Variants in SIRPA observed in about 807,000 individuals in gnomAD.
SIRPA encodes signal regulatory protein alpha.
In SIRPA, 9 loss-of-function variants were observed where a neutral mutation model predicts 50.3. That is an observed-to-expected ratio of 0.18 (90% CI 0.11 to 0.31). The LOEUF (loss-of-function observed/expected upper bound fraction) is 0.31, where lower values mean the gene tolerates loss of function less well. Ranked by LOEUF, SIRPA falls within the 10% of genes least tolerant of loss-of-function variation. The probability of loss-of-function intolerance (pLI) is 1.00; values close to 1 mark genes in which losing one functional copy is unlikely to be tolerated. For missense variants in SIRPA, 474 were observed against 661.6 expected (o/e 0.72, Z 3.11); for synonymous variants, 265 against 284.1 (o/e 0.93, Z 0.68).
chr20:1,935,561 C>T (rs1986530414), intron 7 of SIRPA, among the ~76,000 whole-genome samples: 1 of 152,268 alleles, frequency 6.6e-6, no homozygotes, highest in Non-Finnish European at 1.5e-5. Flanking sequence ...CCCCCCGCAG[C>T]CCCGGACATG....
intron 1 of SIRPA, among the ~76,000 whole-genome samples, chr20:1,900,499 G>A (rs1984124895): frequency 6.6e-6 from 1 of 152,212 alleles, no homozygotes; most frequent in East Asian, 1.9e-4. Flanking sequence ...GGCACAGCCT[G>A]CCTCTAGGTG....
At chr20:1,916,314 C>T (rs937274249) in intron 2 of SIRPA, among the ~76,000 whole-genome samples, 1 of 152,188 alleles carries the variant, frequency 6.6e-6, no homozygotes, top group Non-Finnish European at 1.5e-5. Flanking sequence ...TCCAGCCCAA[C>T]CCCTAGTTAC....
intron 1 of SIRPA, 103 bp downstream of exon 1, chr20:1,895,629 G>T (rs1176479390): frequency 2.3e-6 from 2 of 860,158 alleles, no homozygotes; most frequent in Non-Finnish European, 3.2e-6. Context: ...GCAGTAATAG[G>T]GGGAGAGACG....
Position 1,937,283 on chromosome 20 carries a change from C to T in SIRPA, c.1267-37C>T, listed in dbSNP as rs1986630160. 1 of 1,594,866 alleles carries T rather than the reference C, an allele frequency of 6.3e-7. No individual in the cohort carries two copies. Among genetic ancestry groups the T allele is most frequent in the Non-Finnish European group, 8.6e-7 (1 of 1,167,504 alleles). ...AGTGGGCCAGGGGCTATAGAATGAC[C>T]TTCTCATGACTTTCTCTTTGGGTAT... On this transcript the variant is annotated intron_variant, in intron 7 of 7. Transcript: ENST00000358771. This position sits in a 1 kb window ranked among gnomAD's most constrained non-coding sequence, Gnocchi z 8.3.
chr20:1,927,888 T>G lies in SIRPA; in HGVS notation c.1215T>G (p.Thr405=). ...TTTGTCTTTCAGCCCAGGGCTCCAC[T>G]TCTTCTACAAGGTAAGTGCATCATT... ...RIRQKKAQGS[T]SSTRLHEPEK... Residue 405 remains threonine, a synonymous_variant, in exon 6 of 8, where the codon ACT becomes ACG. Transcript: ENST00000358771. The surrounding 1 kb of genome is among the most constrained non-coding windows in gnomAD (Gnocchi z 6.5). 6.2e-7 allele frequency: 1 copy of G among 1,613,960 alleles called. No homozygotes were observed. Among genetic ancestry groups the G allele is most frequent in the Non-Finnish European group, 8.5e-7 (1 of 1,179,792 alleles).
At position 1,895,466 on chromosome 20, in the gene SIRPA, GCC is replaced by G; in HGVS notation, c.23_24del (p.Pro8ArgfsTer23). 7.0e-7 allele frequency: 1 copy of G among 1,428,164 alleles called. No homozygotes were observed. Among genetic ancestry groups the G allele is most frequent in the Non-Finnish European group, 9.1e-7 (1 of 1,097,364 alleles). 88.5% of individuals were successfully genotyped at this position (1,428,164 alleles called of 1,614,324 possible). A position where few individuals can be genotyped will look rare whatever the true frequency, so the allele number is the denominator to read the frequency against. On this transcript the variant is annotated frameshift_variant, in exon 1 of 8. Transcript: ENST00000358771. LOFTEE classifies it high-confidence loss of function. ...GCGGCCCATGGAGCCCGCCGGCCCG[GCC>G]CCCGGCCGCCTCGGGCCGCTGCTCT... MEPAGP[A>X]PGRLGPLLCL...
Position 1,924,513 on chromosome 20 carries a change from CCTCCGT to C in SIRPA, c.1088-250_1088-245del, listed in dbSNP as rs1184482331. On this transcript the variant is annotated intron_variant, in intron 4 of 7. Coordinates refer to ENST00000358771, the MANE Select transcript of SIRPA (RefSeq NM_001040023.2). The surrounding 1 kb of genome is among the most constrained non-coding windows in gnomAD (Gnocchi z 4.5). ...CTGCCTGTATCCTGCAGCAGGGGTT[CCTCCGT>C]AGCTGTCAGCTACAAATATATTCCC... Among the ~76,000 whole-genome samples, 1 of 152,178 alleles carries C rather than the reference CCTCCGT, an allele frequency of 6.6e-6. No individual in the cohort carries two copies. Among genetic ancestry groups the C allele is most frequent in the Non-Finnish European group, 1.5e-5 (1 of 68,036 alleles).
At chr20:1,935,464 T>A (rs1299334129) in intron 7 of SIRPA, among the ~76,000 whole-genome samples, 2 of 152,254 alleles carry the variant, frequency 1.3e-5, no homozygotes, top group African/African-American at 4.8e-5. Flanking sequence ...TCTTTTTAGA[T>A]GTAATCTGTT....
chr20:1,915,500 A>G, intron 2 of SIRPA, 45 bp downstream of exon 2: 1 of 1,601,190 alleles, frequency 6.2e-7, no homozygotes, highest in Non-Finnish European at 8.6e-7. Flanking sequence ...TGTGACAGTA[A>G]CTCAATAATA....
Position 1,915,878 on chromosome 20 carries a change from C to A in SIRPA, c.436+423C>A, listed in dbSNP as rs117817525. 1.7e-3 allele frequency among the ~76,000 whole-genome samples: 253 copies of A among 152,366 alleles called. 2 individuals carry two copies. The East Asian group carries it at 0.041, about 25-fold the overall frequency. On this transcript the variant is annotated intron_variant, in intron 2 of 7. Transcript: ENST00000358771. ...CTGAGAACCTACTGTGTGCCAGGCTCCGCCAAGCTTGTGTTCTCATCCCTT... is the reference window on the plus strand; with the variant it reads ...CTGAGAACCTACTGTGTGCCAGGCTACGCCAAGCTTGTGTTCTCATCCCTT...
rs574878894 is a variant in SIRPA at position 1,936,159 on chromosome 20, C to A, written c.1267-1161C>A. On this transcript the variant is annotated intron_variant, in intron 7 of 7. Transcript: ENST00000358771. The surrounding 1 kb of genome is among the most constrained non-coding windows in gnomAD (Gnocchi z 4.2). Reference sequence around the variant, plus strand: ...ACCGTGCACCAACTAGGAGGTGTGCCGGTTGGTGGTAGCTTTATTCTGTTC... The same window carrying A: ...ACCGTGCACCAACTAGGAGGTGTGCAGGTTGGTGGTAGCTTTATTCTGTTC... 6.6e-6 allele frequency among the ~76,000 whole-genome samples: 1 copy of A among 151,938 alleles called. No individual in the cohort carries two copies. Among genetic ancestry groups the A allele is most frequent in the African/African-American group, 2.4e-5 (1 of 41,350 alleles).
intron 6 of SIRPA, among the ~76,000 whole-genome samples, chr20:1,929,334 T>C (rs1249308554): frequency 6.6e-6 from 1 of 152,092 alleles, no homozygotes; most frequent in Non-Finnish European, 1.5e-5. Flanking sequence ...TGGGATGGGC[T>C]GAGAAGTGCT....
At position 1,932,904 on chromosome 20, in the gene SIRPA, T is replaced by A. The variant is rs1035841683; in HGVS notation, c.1227-1811T>A. 2.0e-5 allele frequency among the ~76,000 whole-genome samples: 3 copies of A among 152,058 alleles called. No individual in the cohort carries two copies. The highest frequency in any genetic ancestry group is 4.4e-5 in the Non-Finnish European group (3 of 68,020). Reference sequence around the variant, plus strand: ...AGAGCTATTCACTGAAATAGGAAAATCCAGGGGAGACACAGATATGGGGAA... The same window carrying A: ...AGAGCTATTCACTGAAATAGGAAAAACCAGGGGAGACACAGATATGGGGAA... On this transcript the variant is annotated intron_variant, in intron 6 of 7. Coordinates refer to ENST00000358771, the MANE Select transcript of SIRPA (RefSeq NM_001040023.2). The surrounding 1 kb of genome is among the most constrained non-coding windows in gnomAD (Gnocchi z 6.0).
chr20:1,928,913 C>T lies in SIRPA; in HGVS notation c.1226+1014C>T, dbSNP rs1445355336. ...TTGGAAGGCCTCTGATCTTCATCCC[C>T]AGCAGAGCAGAGGCAGCACACCATC... On this transcript the variant is annotated intron_variant, in intron 6 of 7. Transcript: ENST00000358771. This position sits in a 1 kb window ranked among gnomAD's most constrained non-coding sequence, Gnocchi z 4.9. Among the ~76,000 whole-genome samples the T allele has an allele frequency of 6.6e-6, 1 of 152,168 alleles. No homozygotes were observed. Among genetic ancestry groups the T allele is most frequent in the African/African-American group, 2.4e-5 (1 of 41,420 alleles).
intron 2 of SIRPA, among the ~76,000 whole-genome samples, chr20:1,920,059 G>C (rs893615756): frequency 1.3e-5 from 2 of 152,284 alleles, no homozygotes; most frequent in East Asian, 3.9e-4. Flanking sequence ...CTTCTTAACA[G>C]GGTGGGGTTT....
chr20:1,921,589 A>G lies in SIRPA; in HGVS notation c.631A>G (p.Ser211Gly). Residue 211 changes from serine to glycine, a missense_variant, in exon 3 of 8, where the codon AGC becomes GGC. Physicochemically the swap from Ser to Gly is moderately conservative, Grantham distance 56. Coordinates refer to ENST00000358771, the MANE Select transcript of SIRPA (RefSeq NM_001040023.2). ...AGAGAGCGTGTCCTACAGCATCCACAGCACAGCCAAGGTGGTGCTGACCCG... is the reference window on the plus strand; with the variant it reads ...AGAGAGCGTGTCCTACAGCATCCACGGCACAGCCAAGGTGGTGCTGACCCG... ...VGESVSYSIHSTAKVVLTRED... is the reference protein window; with the variant it reads ...VGESVSYSIHGTAKVVLTRED... The G allele has an allele frequency of 6.2e-7, 1 of 1,614,246 alleles. No individual in the cohort carries two copies. The highest frequency in any genetic ancestry group is 8.5e-7 in the Non-Finnish European group (1 of 1,180,050).
At chr20:1,925,462 C>G (rs1985925076) in intron 5 of SIRPA, among the ~76,000 whole-genome samples, 1 of 152,236 alleles carries the variant, frequency 6.6e-6, no homozygotes, top group African/African-American at 2.4e-5. Context: ...CCTCACAGGG[C>G]AAGGTGCATA....
At position 1,922,241 on chromosome 20, in the gene SIRPA, G is replaced by T. The variant is rs932866373; in HGVS notation, c.755-72G>T. On this transcript the variant is annotated intron_variant, in intron 3 of 7. Coordinates refer to ENST00000358771, the MANE Select transcript of SIRPA (RefSeq NM_001040023.2). ...GTGATGACCTCACCGTGGTGGGGGA[G>T]CTACGTTATGGAGCCCTCCCTGTGA... The T allele has an allele frequency of 6.9e-6, 11 of 1,588,886 alleles. No individual in the cohort carries two copies. In the East Asian group the frequency reaches 2.3e-4, roughly 33 times the overall value.
upstream of SIRPA, among the ~76,000 whole-genome samples, chr20:1,895,111 C>A (rs1041053302): frequency 6.6e-6 from 1 of 151,638 alleles, no homozygotes; most frequent in East Asian, 2.0e-4. Flanking sequence ...TCTTTCTCCC[C>A]CTCTCGCCTC....
Sources: allele counts gnomAD v4.1 joint callset (sites outside exome capture counted in the v4.1 genomes callset), GRCh38; gene constraint gnomAD v4.1.1; non-coding constraint Gnocchi (gnomAD v3.1); transcripts MANE v1.5; gene names NCBI Gene and HGNC (gene_info 2026-07-23, HGNC 2026-07-21).